The following TUSC3 variants were observed in gnomAD, a reference collection of about 807,000 sequenced individuals.
The protein encoded by TUSC3 is dolichyl-diphosphooligosaccharide--protein glycosyltransferase subunit TUSC3.
Under a neutral mutation model 44.8 loss-of-function variants are expected in TUSC3, and 45 were observed. The ratio of observed to expected loss-of-function variants is 1.00; its 90% CI spans 0.79 to 1.29. The LOEUF (loss-of-function observed/expected upper bound fraction) is 1.29, where lower values mean the gene tolerates loss of function less well. Among genes scored for constraint, TUSC3 ranks in the 50% most tolerant of loss-of-function variants. TUSC3 has a pLI of 0.00. For synonymous variants in TUSC3, 212 were observed against 152.9 expected (o/e 1.39, Z -2.85); for missense variants, 519 against 437.9 (o/e 1.19, Z -1.65).
At chr8:15,768,617 A>T (rs1276840843), downstream of TUSC3, among the ~76,000 whole-genome samples, 1 of 152,162 alleles carries the variant, frequency 6.6e-6, no homozygotes, top group Non-Finnish European at 1.5e-5. Context: ...AAGAGATAAA[A>T]ATTATAAAAA....
chr8:15,711,984 G>A (rs1488370254), intron 6 of TUSC3, among the ~76,000 whole-genome samples: 1 of 151,926 alleles, frequency 6.6e-6, no homozygotes, highest in Non-Finnish European at 1.5e-5. Flanking sequence ...GTTGTGATTT[G>A]TTCAGACCTT....
At chr8:15,677,119 G>A (rs1808226690) in intron 6 of TUSC3, among the ~76,000 whole-genome samples, 1 of 152,078 alleles carries the variant, frequency 6.6e-6, no homozygotes, top group Non-Finnish European at 1.5e-5. Flanking sequence ...CCTGGCTCAA[G>A]TGATCCTCCT....
chr8:15,809,708 T>C, the TUSC3 span, among the ~76,000 whole-genome samples: 3 of 152,234 alleles, frequency 2.0e-5, no homozygotes, highest in African/African-American at 7.2e-5. Context: ...GATTGTACTG[T>C]ATTCACCTAT....
intron 6 of TUSC3, among the ~76,000 whole-genome samples, chr8:15,729,156 C>CT (rs1330367071): frequency 1.3e-5 from 2 of 152,106 alleles, no homozygotes; most frequent in African/African-American, 4.8e-5. Context: ...GCAGTTGTTA[C>CT]GTAAATTTGG....
rs1448023304 is a variant in TUSC3 at position 15,765,336 on chromosome 8, T to A, written c.*1180T>A. On this transcript the variant is annotated 3_prime_UTR_variant, in exon 11 of 11. Transcript: ENST00000503731. ...TTAGGGTTTAGGAAAGCAGTTCTTCTTGAGTCAGTTCAATAAGTGTTTGCT... is the reference window on the plus strand; with the variant it reads ...TTAGGGTTTAGGAAAGCAGTTCTTCATGAGTCAGTTCAATAAGTGTTTGCT... 6.6e-6 allele frequency: 1 copy of A among 152,040 alleles called. No homozygotes were observed. 9.4% of individuals were successfully genotyped at this position (152,040 alleles called of 1,614,324 possible).
intron 10 of TUSC3, among the ~76,000 whole-genome samples, chr8:15,760,201 AGAT>A (rs1042275160): frequency 1.3e-5 from 2 of 152,202 alleles, no homozygotes; most frequent in Non-Finnish European, 2.9e-5. Flanking sequence ...TCCTTCTAGA[AGAT>A]ACAGGTAAGC....
At chr8:15,606,871 G>A (rs965262568) in intron 1 of TUSC3, among the ~76,000 whole-genome samples, 1 of 151,734 alleles carries the variant, frequency 6.6e-6, no homozygotes, top group African/African-American at 2.4e-5. Flanking sequence ...TGTATCCCTT[G>A]GTACAGTTTT....
intron 1 of TUSC3, among the ~76,000 whole-genome samples, chr8:15,417,768 A>G (rs1799677262): frequency 6.6e-6 from 1 of 152,182 alleles, no homozygotes; most frequent in Non-Finnish European, 1.5e-5. Flanking sequence ...GCCAGCTGTA[A>G]TCATTTACAG....
intron 1 of TUSC3, among the ~76,000 whole-genome samples, chr8:15,419,449 C>T (rs749888728): frequency 6.6e-6 from 1 of 152,120 alleles, no homozygotes; most frequent in African/African-American, 2.4e-5. Context: ...CGCCAGCAAT[C>T]ATAATATTTT....
chr8:15,811,797 A>T, the TUSC3 span, among the ~76,000 whole-genome samples: 35 of 152,166 alleles, frequency 2.3e-4, no homozygotes, highest in African/African-American at 8.0e-4. Flanking sequence ...CTGGGGCTTA[A>T]TTACATTTTT....
intron 1 of TUSC3, among the ~76,000 whole-genome samples, chr8:15,467,203 C>G (rs996552009): frequency 1.3e-5 from 2 of 150,200 alleles, no homozygotes; most frequent in African/African-American, 4.9e-5. Context: ...CAAGTACGTG[C>G]ACTACGGTGC....
In TUSC3 at chr8:15,738,888, A is replaced by C. The variant is rs1002331724; in HGVS notation, c.863-4650A>C. Among the ~76,000 whole-genome samples, 11 of 122,026 alleles carry C rather than the reference A, an allele frequency of 9.0e-5. No individual in the cohort carries two copies. The Admixed American group carries it at 1.2e-3, about 13-fold the overall frequency. The allele number at this position is 122,026 out of a possible 152,430, so 80.1% of individuals were successfully genotyped here. A position where few individuals can be genotyped will look rare whatever the true frequency, so the allele number is the denominator to read the frequency against. ...CACTCTGTTGCCCAGGCTGGAGTGC[A>C]GTGGTGCAATCTCGGCTCACTGCAA... On this transcript the variant is annotated intron_variant, in intron 7 of 10. Transcript: ENST00000503731.
the TUSC3 span, among the ~76,000 whole-genome samples, chr8:15,842,177 G>A: frequency 1.3e-5 from 2 of 152,102 alleles, no homozygotes; most frequent in Non-Finnish European, 1.5e-5. Context: ...GAACAAAACA[G>A]ATAGAATCAC....
intron 6 of TUSC3, among the ~76,000 whole-genome samples, chr8:15,707,378 C>T (rs1809660400): frequency 6.6e-6 from 1 of 151,886 alleles, no homozygotes; most frequent in Admixed American, 6.6e-5. Flanking sequence ...TGATTGAATA[C>T]AAGAGAAGAA....
chr8:15,432,781 C>G (rs1799887270), intron 1 of TUSC3, among the ~76,000 whole-genome samples: 1 of 151,936 alleles, frequency 6.6e-6, no homozygotes, highest in Non-Finnish European at 1.5e-5. Context: ...GGCAGGATAG[C>G]TAGAGCGGGT....
At chr8:15,831,095 T>C in the TUSC3 span, among the ~76,000 whole-genome samples, 2 of 152,030 alleles carry the variant, frequency 1.3e-5, no homozygotes, top group African/African-American at 4.8e-5. Flanking sequence ...CCCAGCACAT[T>C]GTATTCCTAA....
chr8:15,536,658 G>C (rs972068948), upstream of TUSC3, among the ~76,000 whole-genome samples: 1 of 120,164 alleles, frequency 8.3e-6, no homozygotes, highest in African/African-American at 3.3e-5. Flanking sequence ...CGCCAGCCTG[G>C]GTGACAGAGC....
chr8:15,580,856 C>T lies in TUSC3; in HGVS notation c.138+40288C>T, dbSNP rs1339862362. 3.1e-4 allele frequency among the ~76,000 whole-genome samples: 44 copies of T among 143,148 alleles called. 2 individuals carry two copies. Among genetic ancestry groups the T allele is most frequent in the Admixed American group, 1.8e-3 (26 of 14,218 alleles). 93.9% of individuals were successfully genotyped at this position (143,148 alleles called of 152,430 possible). ...ATTCCCTGTATTTCCTTAATCTGAACGTTGGCCTGCCTTGCTAGATTGGGG... is the reference window on the plus strand; with the variant it reads ...ATTCCCTGTATTTCCTTAATCTGAATGTTGGCCTGCCTTGCTAGATTGGGG... On this transcript the variant is annotated intron_variant, in intron 1 of 10. Transcript: ENST00000503731.
At chr8:15,609,779 A>G (rs192888450) in intron 1 of TUSC3, among the ~76,000 whole-genome samples, 17 of 152,204 alleles carry the variant, frequency 1.1e-4, no homozygotes, top group Non-Finnish European at 1.3e-4. Context: ...TTCACTGTAC[A>G]TTAAAAATAA....
Sources: allele counts gnomAD v4.1 joint callset (sites outside exome capture counted in the v4.1 genomes callset), GRCh38; gene constraint gnomAD v4.1.1; transcripts MANE v1.5; gene names NCBI Gene and HGNC (gene_info 2026-07-23, HGNC 2026-07-21).